The following GPC6 variants were observed in gnomAD, a reference collection of about 807,000 sequenced individuals.
GPC6 encodes the protein glypican 6.
Under a neutral mutation model 55.2 loss-of-function variants are expected in GPC6, and 14 were observed. That is an observed-to-expected ratio of 0.25 (90% CI 0.17 to 0.40). The LOEUF (loss-of-function observed/expected upper bound fraction) is 0.40. GPC6 is among the 10% of genes least tolerant of loss of function. The pLI is 1.00. For synonymous variants in GPC6, 278 were observed against 259.6 expected (o/e 1.07, Z -0.68); for missense variants, 641 against 708.5 (o/e 0.90, Z 1.08).
chr13:93,291,738 T>G (rs557737013), intron 1 of GPC6, among the ~76,000 whole-genome samples: 1 of 152,230 alleles, frequency 6.6e-6, no homozygotes, highest in Admixed American at 6.5e-5. Flanking sequence ...CATTTTCTGG[T>G]CAAGTTAAAA....
intron 1 of GPC6, among the ~76,000 whole-genome samples, chr13:93,270,248 T>C (rs1002925115): frequency 8.6e-5 from 9 of 104,922 alleles, no homozygotes; most frequent in African/African-American, 4.1e-4. Flanking sequence ...AGACCTTTTC[T>C]CCTTAAAAAA....
chr13:93,882,278 C>G (rs1007670593), intron 3 of GPC6, among the ~76,000 whole-genome samples: 1 of 152,044 alleles, frequency 6.6e-6, no homozygotes, highest in African/African-American at 2.4e-5. Flanking sequence ...TCCAGAGTTG[C>G]TGGGACTACA....
chr13:94,131,819 A>G (rs922537945), intron 4 of GPC6, among the ~76,000 whole-genome samples: 3 of 152,178 alleles, frequency 2.0e-5, no homozygotes, highest in African/African-American at 7.2e-5. Context: ...TGGTGGGCCT[A>G]AGGATGAGGG....
chr13:93,736,237 G>A (rs760312541), intron 2 of GPC6, among the ~76,000 whole-genome samples: 2 of 152,174 alleles, frequency 1.3e-5, no homozygotes, highest in Admixed American at 6.5e-5. Context: ...AGAGATGTAT[G>A]TGAGGAATTT....
At chr13:93,625,688 C>G (rs1402898531) in intron 2 of GPC6, among the ~76,000 whole-genome samples, 12 of 152,172 alleles carry the variant, frequency 7.9e-5, no homozygotes, top group Admixed American at 7.2e-4. Flanking sequence ...TCCCAAGGCC[C>G]CAGGCCAAAA....
chr13:93,684,066 A>G (rs1291289389), intron 2 of GPC6, among the ~76,000 whole-genome samples: 1 of 152,080 alleles, frequency 6.6e-6, no homozygotes, highest in African/African-American at 2.4e-5. Flanking sequence ...TACTCCTAAC[A>G]CCGTCACACA....
At chr13:93,954,644 A>G (rs1475557142) in intron 3 of GPC6, among the ~76,000 whole-genome samples, 1 of 152,210 alleles carries the variant, frequency 6.6e-6, no homozygotes, top group African/African-American at 2.4e-5. Context: ...GAGCACACAG[A>G]GAAGCATGTC....
intron 1 of GPC6, among the ~76,000 whole-genome samples, chr13:93,385,510 C>T (rs1875361255): frequency 6.6e-6 from 1 of 152,232 alleles, no homozygotes; most frequent in Admixed American, 6.5e-5. Flanking sequence ...AACTGTTAGA[C>T]AACTGCTCAC....
chr13:93,381,165 T>TA (rs1383248882), intron 1 of GPC6, among the ~76,000 whole-genome samples: 1 of 152,154 alleles, frequency 6.6e-6, no homozygotes, highest in Non-Finnish European at 1.5e-5. Flanking sequence ...CATATCATAT[T>TA]AAAAATGAAA....
chr13:93,633,450 A>G (rs1380951053), intron 2 of GPC6, among the ~76,000 whole-genome samples: 2 of 152,172 alleles, frequency 1.3e-5, no homozygotes, highest in African/African-American at 4.8e-5. Context: ...GTTTAAGACT[A>G]GCCTGGCCAA....
chr13:94,387,973 G>T (rs1880484967), intron 7 of GPC6, among the ~76,000 whole-genome samples: 1 of 152,172 alleles, frequency 6.6e-6, no homozygotes, highest in Non-Finnish European at 1.5e-5. Flanking sequence ...ACCTGAGTGA[G>T]ATTCAGCATT....
At chr13:93,757,509 C>G (rs548893112) in intron 2 of GPC6, among the ~76,000 whole-genome samples, 1 of 152,244 alleles carries the variant, frequency 6.6e-6, no homozygotes, top group East Asian at 1.9e-4. Context: ...GCAGTGGACA[C>G]TTCTATTCTT....
At chr13:93,940,070 C>T (rs535284948) in intron 3 of GPC6, among the ~76,000 whole-genome samples, 1 of 152,022 alleles carries the variant, frequency 6.6e-6, no homozygotes, top group Non-Finnish European at 1.5e-5. Context: ...TTCTGAGCTC[C>T]CAAAGCACTT....
chr13:93,317,940 G>C (rs1454051790), intron 1 of GPC6, among the ~76,000 whole-genome samples: 1 of 152,132 alleles, frequency 6.6e-6, no homozygotes, highest in Non-Finnish European at 1.5e-5. Flanking sequence ...TAAATGGCAA[G>C]GAAAACCACT....
chr13:94,261,912 C>T (rs1045542966), intron 4 of GPC6, among the ~76,000 whole-genome samples: 2 of 152,178 alleles, frequency 1.3e-5, no homozygotes, highest in Non-Finnish European at 2.9e-5. Flanking sequence ...AGAAGCTTGC[C>T]TGTAAATAGG....
Position 93,745,577 on chromosome 13 carries a change from A to G in GPC6, c.320-84577A>G, listed in dbSNP as rs59333973. On this transcript the variant is annotated intron_variant, in intron 2 of 8. Coordinates refer to ENST00000377047, the MANE Select transcript of GPC6 (RefSeq NM_005708.5). ...GACATAACTACTTTTTGGCTTTACA[A>G]TGGTGCAAAAGTGGTACACATTCAG... 4.0e-3 allele frequency among the ~76,000 whole-genome samples: 611 copies of G among 152,282 alleles called. 9 individuals are homozygous for G. The East Asian group carries it at 0.056, about 14-fold the overall frequency.
At chr13:93,928,856 TACACACACACACAC>T (rs10642875) in intron 3 of GPC6, among the ~76,000 whole-genome samples, 1 of 143,002 alleles carries the variant, frequency 7.0e-6, no homozygotes, top group East Asian at 2.1e-4. Flanking sequence ...CCCTGTGTGT[TACACACACACACAC>T]ACACACACAC....
At chr13:94,364,311 T>A (rs964014699) in intron 6 of GPC6, among the ~76,000 whole-genome samples, 2 of 152,230 alleles carry the variant, frequency 1.3e-5, no homozygotes, top group African/African-American at 4.8e-5. Context: ...CACCTGGGTC[T>A]AATCATAAGC....
At chr13:93,635,140 CTT>C (rs879721283) in intron 2 of GPC6, among the ~76,000 whole-genome samples, 3 of 145,558 alleles carry the variant, frequency 2.1e-5, no homozygotes, top group African/African-American at 2.5e-5. Context: ...CATAATACAG[CTT>C]TTTTTTTTTT....
Sources: gnomAD v4.1 joint callset for allele counts (sites outside exome capture counted in the v4.1 genomes callset) on GRCh38, gnomAD v4.1.1 for gene constraint, MANE v1.5 for transcripts, NCBI Gene and HGNC (gene_info 2026-07-23, HGNC 2026-07-21) for gene names.